Variants in NBAS observed in about 807,000 individuals in gnomAD.
NBAS encodes NAG/BC035112 fusion.
A neutral mutation model predicts 302.5 loss-of-function variants in NBAS; 219 were observed. The observed-to-expected ratio is 0.72, with a 90% CI of 0.65 to 0.81. The LOEUF (loss-of-function observed/expected upper bound fraction) is 0.81. Among genes scored for constraint, NBAS ranks in the 30% least tolerant of loss-of-function variants. The pLI is 0.00. For missense variants in NBAS, 2,932 were observed against 2,841.6 expected, an observed-to-expected ratio of 1.03 and a Z score of -0.72; for synonymous variants, 1,118 against 1,021.6, an observed-to-expected ratio of 1.09 and a Z score of -1.80.
intron 25 of NBAS, among the ~76,000 whole-genome samples, chr2:15,409,454 A>G (rs1676577096): frequency 6.6e-6 from 1 of 152,166 alleles, no homozygotes; most frequent in South Asian, 2.1e-4. Context: ...TTAACCCCAT[A>G]TATTTTTCAT....
At chr2:15,211,132 T>A (rs536263518) in intron 48 of NBAS, among the ~76,000 whole-genome samples, 1 of 152,290 alleles carries the variant, frequency 6.6e-6, no homozygotes, top group Admixed American at 6.5e-5. Context: ...ATAACTTAGA[T>A]TGTTTGTAAC....
chr2:15,522,469 G>T (rs1207079527), intron 9 of NBAS, among the ~76,000 whole-genome samples: 1 of 152,188 alleles, frequency 6.6e-6, no homozygotes, highest in Non-Finnish European at 1.5e-5. Flanking sequence ...AGGTACTTGT[G>T]AGCTATCCAG....
At chr2:15,293,551 T>C (rs1044331789) in intron 40 of NBAS, among the ~76,000 whole-genome samples, 1 of 152,160 alleles carries the variant, frequency 6.6e-6, no homozygotes, top group Non-Finnish European at 1.5e-5. Context: ...AGCCATGATT[T>C]TGGAATTACT....
At chr2:15,198,310 A>G (rs960059984) in intron 48 of NBAS, among the ~76,000 whole-genome samples, 4 of 152,234 alleles carry the variant, frequency 2.6e-5, no homozygotes, top group African/African-American at 9.6e-5. Flanking sequence ...GAAGGCTTTT[A>G]TTGTAACACA....
chr2:15,281,645 G>A (rs571507704), intron 42 of NBAS, among the ~76,000 whole-genome samples: 1 of 152,264 alleles, frequency 6.6e-6, no homozygotes, highest in Non-Finnish European at 1.5e-5. Context: ...TTGCAGAGGA[G>A]AAAACTTAGG....
At chr2:15,478,181 T>A (rs376156662) in intron 13 of NBAS, 45 bp downstream of exon 13, 1 of 1,232,290 alleles carries the variant, frequency 8.1e-7, no homozygotes, top group South Asian at 1.2e-5. Flanking sequence ...TGTATAATAA[T>A]AGGAGTATAT....
chr2:15,293,713 G>T (rs541654810), intron 40 of NBAS, among the ~76,000 whole-genome samples: 95 of 152,086 alleles, frequency 6.2e-4, no homozygotes, highest in African/African-American at 2.2e-3. Context: ...TAAGCTGTCA[G>T]CATTTCTAAT....
chr2:15,456,685 C>T (rs79821783), intron 21 of NBAS, among the ~76,000 whole-genome samples: 1,631 of 152,218 alleles, frequency 0.011, 14 homozygotes, highest in Non-Finnish European at 0.018. Context: ...AAATCGCTGT[C>T]CATTGGAGCT....
At chr2:15,138,483 C>T in the NBAS span, among the ~76,000 whole-genome samples, 1 of 152,102 alleles carries the variant, frequency 6.6e-6, no homozygotes, top group Non-Finnish European at 1.5e-5. Flanking sequence ...TTTTATTCTG[C>T]ACTAGGACCT....
Position 15,374,685 on chromosome 2 carries a change from G to A in NBAS, c.3626C>T (p.Ala1209Val). 6.2e-7 allele frequency: 1 copy of A among 1,613,874 alleles called. No homozygotes were observed. The highest frequency in any genetic ancestry group is 8.5e-7 in the Non-Finnish European group (1 of 1,179,844). Residue 1209 changes from alanine to valine, a missense_variant, in exon 31 of 52, where the codon GCC becomes GTC. Ala to Val is a moderately conservative substitution (Grantham distance 64, BLOSUM62 0). Coordinates refer to ENST00000281513, the MANE Select transcript of NBAS (RefSeq NM_015909.4). The stretch of plus-strand genomic sequence containing the variant: ...GATAAGATCTAGCTCCTCTTGAATG[G>A]CAGGGGGTCTGTCTGTTATCAGTTG... ...CLQLITDRPP[A>V]IQEELDLIQA...
At position 15,450,535 on chromosome 2, in the gene NBAS, TA is replaced by T. The variant is rs1678956439; in HGVS notation, c.2339+10665del. Among the ~76,000 whole-genome samples the T allele has an allele frequency of 5.3e-5, 8 of 152,310 alleles. No homozygotes were observed. In the South Asian group the frequency reaches 1.7e-3, roughly 32 times the overall value. The stretch of plus-strand genomic sequence containing the variant: ...CATTTTAAGATAGGTGTATCTATCT[TA>T]AAGTTGTATCTAACCTGTCTGATCT... On this transcript the variant is annotated intron_variant, in intron 21 of 51. Transcript: ENST00000281513.
chr2:15,301,828 C>T (rs575613729), intron 40 of NBAS, among the ~76,000 whole-genome samples: 18 of 152,172 alleles, frequency 1.2e-4, no homozygotes, highest in African/African-American at 3.6e-4. Flanking sequence ...GAAATGGTAG[C>T]AAAAAGCATT....
rs1281256183 is a variant in NBAS, at chr2:15,330,737, G to A, written c.4208C>T (p.Ser1403Leu). ...EDEVGVPGSN[S>L]ADLLRWTTAT... Reference sequence around the variant, plus strand: ...AGTGGTCCAGCGCAATAGGTCAGCTGAATTGCTACCTGGAACACCTACTTC... The same window carrying A: ...AGTGGTCCAGCGCAATAGGTCAGCTAAATTGCTACCTGGAACACCTACTTC... Residue 1403 changes from serine to leucine, a missense_variant, in exon 36 of 52, where the codon TCA becomes TTA. By Grantham distance (145) the Ser-to-Leu change is moderately radical. Coordinates refer to ENST00000281513, the MANE Select transcript of NBAS (RefSeq NM_015909.4). The A allele has an allele frequency of 3.7e-6, 6 of 1,613,910 alleles. No individual in the cohort carries two copies. Among genetic ancestry groups the A allele is most frequent in the African/African-American group, 1.3e-5 (1 of 74,918 alleles).
At chr2:15,321,338 A>G (rs1051713272) in intron 38 of NBAS, among the ~76,000 whole-genome samples, 1 of 152,234 alleles carries the variant, frequency 6.6e-6, no homozygotes, top group Non-Finnish European at 1.5e-5. Context: ...GGCCTGGGCA[A>G]GGACTTCATG....
At chr2:15,288,638 C>T (rs534053950) in intron 41 of NBAS, among the ~76,000 whole-genome samples, 2 of 152,308 alleles carry the variant, frequency 1.3e-5, no homozygotes, top group South Asian at 4.1e-4. Flanking sequence ...TCCCGAACAC[C>T]CACATTATAA....
At chr2:14,836,543 G>A in the NBAS span, among the ~76,000 whole-genome samples, 8 of 151,970 alleles carry the variant, frequency 5.3e-5, no homozygotes, top group East Asian at 1.9e-4. Flanking sequence ...GTGCTCTTCC[G>A]TGTGCGTGAC....
the NBAS span, among the ~76,000 whole-genome samples, chr2:15,145,895 T>C: frequency 6.6e-6 from 1 of 152,208 alleles, no homozygotes; most frequent in Admixed American, 6.5e-5. Context: ...GAGCCACCCA[T>C]CTAAACATAA....
the NBAS span, among the ~76,000 whole-genome samples, chr2:14,965,973 G>A: frequency 6.6e-6 from 1 of 152,220 alleles, no homozygotes; most frequent in East Asian, 1.9e-4. Flanking sequence ...GGGTAGGCCT[G>A]GTGTCCTTAT....
chr2:15,173,045 A>G (rs1468134118), intron 51 of NBAS, among the ~76,000 whole-genome samples: 1 of 152,260 alleles, frequency 6.6e-6, no homozygotes, highest in East Asian at 1.9e-4. Context: ...TGATGTTAAT[A>G]CAGGCAAACA....
Sources: allele counts gnomAD v4.1 joint callset (sites outside exome capture counted in the v4.1 genomes callset), GRCh38; gene constraint gnomAD v4.1.1; transcripts MANE v1.5; gene names NCBI Gene and HGNC (gene_info 2026-07-23, HGNC 2026-07-21).